SLC24A2: variants seen among roughly 807,000 people sequenced by gnomAD.
SLC24A2 encodes sodium/potassium/calcium exchanger 2.
SLC24A2 carries 36 observed loss-of-function variants against 62.0 expected under a neutral mutation model. The ratio of observed to expected loss-of-function variants is 0.58; its 90% CI spans 0.44 to 0.77. The LOEUF (loss-of-function observed/expected upper bound fraction) is 0.77, where lower values mean the gene tolerates loss of function less well. SLC24A2 is among the 30% of genes least tolerant of loss of function. The pLI is 0.00. For synonymous variants in SLC24A2, 358 were observed against 294.0 expected (o/e 1.22, Z -2.23); for missense variants, 846 against 817.9 (o/e 1.03, Z -0.42).
chr9:20,121,331 T>C, the SLC24A2 span, among the ~76,000 whole-genome samples: 2,256 of 152,118 alleles, frequency 0.015, 28 homozygotes, highest in Non-Finnish European at 0.022. Context: ...AACAATCTTA[T>C]AAATTTTTTG....
At chr9:19,768,152 T>C (rs10964279) in intron 2 of SLC24A2, among the ~76,000 whole-genome samples, 1 of 152,170 alleles carries the variant, frequency 6.6e-6, no homozygotes, top group Non-Finnish European at 1.5e-5. Flanking sequence ...CTCTCAATAC[T>C]GCCACATTGG....
chr9:20,113,371 A>G, the SLC24A2 span, among the ~76,000 whole-genome samples: 13 of 152,290 alleles, frequency 8.5e-5, no homozygotes, highest in South Asian at 2.7e-3. Context: ...TGTTCACAGG[A>G]CTGTTTGAGC....
In SLC24A2 at chr9:19,756,903, CTTTT is replaced by C. The variant is rs780450451; in HGVS notation, c.930+29030_930+29033del. Among the ~76,000 whole-genome samples, 12 of 78,534 alleles carry C rather than the reference CTTTT, an allele frequency of 1.5e-4. No homozygotes were observed. The East Asian group carries it at 3.1e-3, about 20-fold the overall frequency. The allele number at this position is 78,534 out of a possible 152,430, so 51.5% of individuals were successfully genotyped here. A position where few individuals can be genotyped will look rare whatever the true frequency, so the allele number is the denominator to read the frequency against. The stretch of plus-strand genomic sequence containing the variant: ...GATATTCACACTTCTTTTACTGAAG[CTTTT>C]TTTTTTTTTTTTTTTTTTTAGAGAC... On this transcript the variant is annotated intron_variant, in intron 2 of 10. Coordinates refer to ENST00000341998, the MANE Select transcript of SLC24A2 (RefSeq NM_020344.4).
the SLC24A2 span, among the ~76,000 whole-genome samples, chr9:19,877,142 G>T: frequency 1.3e-5 from 2 of 151,530 alleles, no homozygotes; most frequent in African/African-American, 4.8e-5. Context: ...TGAGGGAAAA[G>T]TGATGTTCCT....
the SLC24A2 span, among the ~76,000 whole-genome samples, chr9:20,186,017 A>G: frequency 3.9e-5 from 6 of 152,172 alleles, no homozygotes; most frequent in Non-Finnish European, 8.8e-5. Flanking sequence ...CAAGTGGTCA[A>G]TTAAAATACA....
At chr9:19,765,251 A>G (rs986062238) in intron 2 of SLC24A2, among the ~76,000 whole-genome samples, 1 of 151,924 alleles carries the variant, frequency 6.6e-6, no homozygotes, top group African/African-American at 2.4e-5. Flanking sequence ...TCTTTATCCA[A>G]TTTGCCAGTC....
the SLC24A2 span, among the ~76,000 whole-genome samples, chr9:20,268,352 C>A: frequency 6.6e-6 from 1 of 152,184 alleles, no homozygotes; most frequent in Non-Finnish European, 1.5e-5. Context: ...TAACTCCCAA[C>A]ATGGCAGTAT....
intron 2 of SLC24A2, among the ~76,000 whole-genome samples, chr9:19,650,472 T>C (rs1304510835): frequency 3.3e-5 from 5 of 152,194 alleles, no homozygotes; most frequent in Non-Finnish European, 7.3e-5. Context: ...GCCCATCATG[T>C]GCTTAGCCTG....
intron 2 of SLC24A2, among the ~76,000 whole-genome samples, chr9:19,770,667 T>C (rs1021224852): frequency 3.9e-5 from 6 of 152,208 alleles, no homozygotes; most frequent in African/African-American, 9.7e-5. Flanking sequence ...TTGTAAAATA[T>C]TGGAGCATGT....
chr9:19,940,815 T>C, the SLC24A2 span, among the ~76,000 whole-genome samples: 2 of 152,222 alleles, frequency 1.3e-5, no homozygotes, highest in Non-Finnish European at 2.9e-5. Flanking sequence ...CACTGCTGAA[T>C]GCACATGCTG....
At chr9:20,080,472 T>C in the SLC24A2 span, among the ~76,000 whole-genome samples, 1 of 152,028 alleles carries the variant, frequency 6.6e-6, no homozygotes, top group East Asian at 1.9e-4. Flanking sequence ...ATACAAAAAT[T>C]AATTCAAGAT....
chr9:20,122,721 T>A, the SLC24A2 span, among the ~76,000 whole-genome samples: 1 of 152,088 alleles, frequency 6.6e-6, no homozygotes, highest in Admixed American at 6.6e-5. Context: ...AAAAAAACTC[T>A]ACTTCTTAAT....
chr9:20,215,465 T>C, the SLC24A2 span, among the ~76,000 whole-genome samples: 1 of 152,104 alleles, frequency 6.6e-6, no homozygotes, highest in Non-Finnish European at 1.5e-5. Context: ...AAAAGTTTAA[T>C]AATTTTTAAT....
the SLC24A2 span, among the ~76,000 whole-genome samples, chr9:20,069,439 G>C: frequency 1.3e-5 from 2 of 152,226 alleles, no homozygotes; most frequent in East Asian, 3.9e-4. Flanking sequence ...CTATAAACAT[G>C]CAAACAGAAA....
At chr9:20,262,262 G>C in the SLC24A2 span, among the ~76,000 whole-genome samples, 9 of 152,160 alleles carry the variant, frequency 5.9e-5, no homozygotes, top group African/African-American at 9.7e-5. Flanking sequence ...GGCGAACATG[G>C]TTTGAATCTT....
the SLC24A2 span, among the ~76,000 whole-genome samples, chr9:19,809,701 T>TG: frequency 6.6e-6 from 1 of 152,016 alleles, no homozygotes. Context: ...AAGATTAGGG[T>TG]GGGGCAGCCA....
At chr9:20,279,641 T>C in the SLC24A2 span, among the ~76,000 whole-genome samples, 1 of 152,254 alleles carries the variant, frequency 6.6e-6, no homozygotes, top group Admixed American at 6.5e-5. Context: ...GCTCTTCTGC[T>C]GGACTAATAG....
chr9:19,699,921 T>G (rs1820306649), intron 2 of SLC24A2, among the ~76,000 whole-genome samples: 2 of 152,054 alleles, frequency 1.3e-5, no homozygotes, highest in Non-Finnish European at 2.9e-5. Flanking sequence ...GACACACGGG[T>G]GCACTAGAGA....
the SLC24A2 span, among the ~76,000 whole-genome samples, chr9:19,934,250 C>T: frequency 1.3e-5 from 2 of 152,176 alleles, no homozygotes; most frequent in African/African-American, 4.8e-5. This position sits in a 1 kb window ranked among gnomAD's most constrained non-coding sequence, Gnocchi z 4.1. Context: ...GTTTCCAAGA[C>T]GGGGTGGCCG....
Sources: gnomAD v4.1 joint callset for allele counts (sites outside exome capture counted in the v4.1 genomes callset) on GRCh38, gnomAD v4.1.1 for gene constraint, Gnocchi (gnomAD v3.1) non-coding constraint, MANE v1.5 for transcripts, NCBI Gene and HGNC (gene_info 2026-07-23, HGNC 2026-07-21) for gene names.